Variants in XRN1 observed in about 807,000 individuals in gnomAD.
XRN1 encodes the protein 5'-3' exoribonuclease 1, also known as strand-exchange protein 1 homolog.
In XRN1, 67 loss-of-function variants were observed where a neutral mutation model predicts 222.3. The observed-to-expected ratio is 0.30, with a 90% confidence interval of 0.25 to 0.37. XRN1 has a LOEUF of 0.37. Ranked by LOEUF, XRN1 falls within the 10% of genes least tolerant of loss-of-function variation. The pLI is 1.00. For missense variants in XRN1, 1,707 were observed against 2,000.2 expected (o/e 0.85, Z 2.80); for synonymous variants, 643 against 652.4 (o/e 0.99, Z 0.22).
In XRN1 at chr3:142,325,163, G is replaced by A. The variant is rs187054515; in HGVS notation, c.4404+4271C>T. On this transcript the variant is annotated intron_variant, in intron 37 of 40. Coordinates refer to ENST00000392981, the MANE Select transcript of XRN1 (RefSeq NM_001282857.2). ...ATGCTGTATGTCCTTCATAGTGGCT[G>A]TACTAATTTACGTTTCCACCAACAA... 1.5e-3 allele frequency among the ~76,000 whole-genome samples: 221 copies of A among 152,230 alleles called. 2 individuals carry two copies. Among genetic ancestry groups the A allele is most frequent in the Admixed American group, 9.6e-3 (146 of 15,286 alleles).
At chr3:142,411,460 T>C (rs1426862198) in intron 15 of XRN1, among the ~76,000 whole-genome samples, 1 of 152,120 alleles carries the variant, frequency 6.6e-6, no homozygotes, top group Non-Finnish European at 1.5e-5. Context: ...GTTTAGCGTC[T>C]AGAACCTTAA....
intron 33 of XRN1, among the ~76,000 whole-genome samples, chr3:142,338,629 G>C (rs778199555): frequency 1.3e-5 from 2 of 152,152 alleles, no homozygotes; most frequent in Non-Finnish European, 2.9e-5. Context: ...TGCCAAGTGG[G>C]ACAGAGCACT....
In XRN1 at chr3:142,332,144, G is replaced by A. The variant is rs535990741; in HGVS notation, c.4222+231C>T. ...AAGAATAAAAGTAGTTTTGGGCCAG[G>A]TGTGGTGGCATATACCTGTAATCCC... On this transcript the variant is annotated intron_variant, in intron 36 of 40. Coordinates refer to ENST00000392981, the MANE Select transcript of XRN1 (RefSeq NM_001282857.2). Among the ~76,000 whole-genome samples, 5 of 152,206 alleles carry A rather than the reference G, an allele frequency of 3.3e-5. No homozygotes were observed. In the East Asian group the frequency reaches 9.7e-4, roughly 29 times the overall value.
In XRN1 at chr3:142,421,089, T is replaced by C; in HGVS notation, c.1100A>G (p.Asn367Ser). The C allele has an allele frequency of 2.5e-6, 4 of 1,614,070 alleles. No homozygotes were observed. The highest frequency in any genetic ancestry group is 3.4e-6 in the Non-Finnish European group (4 of 1,179,984). ...ACCTGCTGCTTCATTGAGGTACTTG[T>C]TACCAACTTTGCTTTCAAACCATTT... The part of the protein sequence containing the change: ...DLKWFESKVG[N>S]KYLNEAAGVA... The change falls in exon 10 of 41, where the codon AAC becomes AGC. Residue 367 changes from asparagine (N) to serine (S), a missense_variant. Coordinates refer to ENST00000392981, the MANE Select transcript of XRN1 (RefSeq NM_001282857.2).
At chr3:142,379,087 C>T (rs1259454999) in intron 23 of XRN1, among the ~76,000 whole-genome samples, 1 of 151,312 alleles carries the variant, frequency 6.6e-6, no homozygotes, top group Non-Finnish European at 1.5e-5. Context: ...ATGGTGAAAC[C>T]CCATCTCTAC....
chr3:142,378,638 A>C (rs889759190), intron 23 of XRN1, among the ~76,000 whole-genome samples: 2 of 151,148 alleles, frequency 1.3e-5, no homozygotes, highest in Non-Finnish European at 3.0e-5. Flanking sequence ...AAGAAGATCA[A>C]TCCAGAAGGT....
chr3:142,395,779 C>T (rs1445283052), intron 20 of XRN1, among the ~76,000 whole-genome samples: 3 of 152,192 alleles, frequency 2.0e-5, no homozygotes, highest in Non-Finnish European at 4.4e-5. Context: ...AGCTGTCCTC[C>T]TACTTCTGAG....
At chr3:142,375,976 A>G (rs767596806) in intron 24 of XRN1, 32 bp from the exon 25 acceptor site, 51 of 753,980 alleles carry the variant, frequency 6.8e-5, no homozygotes, top group Middle Eastern at 3.2e-4. Context: ...GCACACGTGC[A>G]CACACACACA....
chr3:142,434,615 G>T (rs2069789931), intron 1 of XRN1, among the ~76,000 whole-genome samples: 1 of 149,104 alleles, frequency 6.7e-6, no homozygotes, highest in Admixed American at 6.8e-5. Context: ...AGAAGAATAA[G>T]CTGGGTGTGG....
chr3:142,334,628 TA>T (rs1325154116), intron 34 of XRN1, among the ~76,000 whole-genome samples: 2 of 151,588 alleles, frequency 1.3e-5, no homozygotes, highest in African/African-American at 2.4e-5. Flanking sequence ...ATTGTATATG[TA>T]AATATATATT....
chr3:142,317,019 C>A (rs1164773469), intron 39 of XRN1, among the ~76,000 whole-genome samples: 1 of 152,192 alleles, frequency 6.6e-6, no homozygotes, highest in Admixed American at 6.5e-5. Context: ...ACTCATTCTG[C>A]CTCAGGGTTT....
At chr3:142,446,815 T>C (rs2070524112) in intron 1 of XRN1, among the ~76,000 whole-genome samples, 1 of 152,238 alleles carries the variant, frequency 6.6e-6, no homozygotes, top group Admixed American at 6.5e-5. Flanking sequence ...AAACTTTTTG[T>C]AGTCTATTTC....
chr3:142,314,946 CGTCT>C (rs1158682712), intron 39 of XRN1, among the ~76,000 whole-genome samples: 2 of 115,698 alleles, frequency 1.7e-5, no homozygotes, highest in African/African-American at 3.1e-5. Flanking sequence ...CCAAGTCTGT[CGTCT>C]GTTTTTTTTT....
chr3:142,416,921 A>G (rs910905183), intron 13 of XRN1, among the ~76,000 whole-genome samples: 12 of 150,700 alleles, frequency 8.0e-5, no homozygotes, highest in African/African-American at 2.9e-4. Flanking sequence ...AATCCCAGCT[A>G]CTCAGGGGGT....
At chr3:142,314,945 T>G (rs1577202703) in intron 39 of XRN1, among the ~76,000 whole-genome samples, 2 of 126,528 alleles carry the variant, frequency 1.6e-5, no homozygotes, top group South Asian at 2.9e-4. Flanking sequence ...TCCAAGTCTG[T>G]CGTCTGTTTT....
At chr3:142,365,764 T>C (rs957340817) in intron 27 of XRN1, among the ~76,000 whole-genome samples, 5 of 152,180 alleles carry the variant, frequency 3.3e-5, no homozygotes, top group African/African-American at 1.2e-4. Flanking sequence ...GTAACCTTAC[T>C]TCTAACACAA....
chr3:142,379,964 G>A, intron 23 of XRN1, 118 bp downstream of exon 23: 1 of 762,254 alleles, frequency 1.3e-6, no homozygotes, highest in Non-Finnish European at 2.1e-6. Context: ...CTGGGAGAGA[G>A]AATCTAATCA....
chr3:142,335,340 C>A, intron 34 of XRN1, 108 bp downstream of exon 34: 1 of 1,030,722 alleles, frequency 9.7e-7, no homozygotes, highest in Non-Finnish European at 1.5e-6. Context: ...TCTGGCCACA[C>A]ACCTTATAAA....
rs2068309991 is a variant in XRN1 at position 142,405,671 on chromosome 3, C to T, written c.1714-595G>A. Among the ~76,000 whole-genome samples the T allele has an allele frequency of 2.6e-5, 4 of 152,070 alleles. No homozygotes were observed. In the South Asian group the frequency reaches 8.3e-4, roughly 32 times the overall value. ...TAGTACTGACACTACAAGAGACCCA[C>T]AGACCAGAAGAACAGAATAGAGTTC... On this transcript the variant is annotated intron_variant, in intron 15 of 40. Transcript: ENST00000392981.
Sources: gnomAD v4.1 joint callset for allele counts (sites outside exome capture counted in the v4.1 genomes callset) on GRCh38, gnomAD v4.1.1 for gene constraint, MANE v1.5 for transcripts, NCBI Gene and HGNC (gene_info 2026-07-23, HGNC 2026-07-21) for gene names.